The following MYO5B variants were observed in gnomAD, a reference collection of about 807,000 sequenced individuals.
MYO5B encodes unconventional myosin-Vb.
MYO5B carries 143 observed loss-of-function variants against 229.3 expected under a neutral mutation model. The observed-to-expected ratio is 0.62, with a 90% CI of 0.54 to 0.72. The LOEUF (loss-of-function observed/expected upper bound fraction) is 0.72, where lower values mean the gene tolerates loss of function less well. MYO5B is among the 30% of genes least tolerant of loss of function. The pLI is 0.00. For synonymous variants in MYO5B, 918 were observed against 885.2 expected, an observed-to-expected ratio of 1.04 and a Z score of -0.66; for missense variants, 2,321 against 2,331.0, an observed-to-expected ratio of 1.00 and a Z score of 0.09.
chr18:50,124,248 G>A (rs906532329), intron 1 of MYO5B, among the ~76,000 whole-genome samples: 2 of 152,168 alleles, frequency 1.3e-5, no homozygotes, highest in Non-Finnish European at 2.9e-5. Context: ...TTTTATTCTC[G>A]AAGCTTTATA....
rs1326305386 is a variant in MYO5B, at chr18:49,936,300, G to A, written c.1955C>T (p.Pro652Leu). ...GGGCTTGATGCAGCGGACATAGTGA[G>A]GTGTCGTGGCATTCAGGGTCTCCAT... is the stretch of plus-strand genomic sequence containing the variant. ...LLMETLNATT[P>L]HYVRCIKPND... Residue 652 changes from proline (P) to leucine (L), a missense_variant, in exon 16 of 40, where the codon CCT becomes CTT. This residue lies in a region of MYO5B where 2,113 missense variants were observed against 2,044.7 expected (regional missense o/e 1.03). Coordinates refer to ENST00000285039, the MANE Select transcript of MYO5B (RefSeq NM_001080467.3). 6.2e-7 allele frequency: 1 copy of A among 1,604,402 alleles called. No individual in the cohort carries two copies. The highest frequency in any genetic ancestry group is 8.5e-7 in the Non-Finnish European group (1 of 1,175,014).
At chr18:49,879,179 A>G in intron 23 of MYO5B, 89 bp from the exon 24 acceptor site, 1 of 1,554,302 alleles carries the variant, frequency 6.4e-7, no homozygotes, top group Non-Finnish European at 8.9e-7. Context: ...TCTTGTTAAG[A>G]GGCTGCCCAT....
At chr18:50,035,730 T>A (rs889542337) in intron 4 of MYO5B, among the ~76,000 whole-genome samples, 1 of 152,230 alleles carries the variant, frequency 6.6e-6, no homozygotes, top group South Asian at 2.1e-4. Context: ...TAGAGAAAAG[T>A]GAAAGATTGC....
chr18:49,935,145 G>A (rs2025235297), intron 16 of MYO5B, among the ~76,000 whole-genome samples: 1 of 152,176 alleles, frequency 6.6e-6, no homozygotes, highest in South Asian at 2.1e-4. Flanking sequence ...GGAGACCAGG[G>A]TGAGGAACGT....
rs559821262 is a variant in MYO5B at position 49,909,700 on chromosome 18, G to T, written c.2202+2362C>A. On this transcript the variant is annotated intron_variant, in intron 18 of 39. Transcript: ENST00000285039. ...ATGAACACAATAAAGGAAGGGAGGAGGTGAGTGCTGCTGGCCCATAGAAGA... is the reference window on the plus strand; with the variant it reads ...ATGAACACAATAAAGGAAGGGAGGATGTGAGTGCTGCTGGCCCATAGAAGA... Among the ~76,000 whole-genome samples, 4 of 152,346 alleles carry T rather than the reference G, an allele frequency of 2.6e-5. No individual in the cohort carries two copies. In the South Asian group the frequency reaches 8.3e-4, roughly 32 times the overall value.
At chr18:49,884,725 T>C (rs2024624675) in intron 22 of MYO5B, among the ~76,000 whole-genome samples, 1 of 152,164 alleles carries the variant, frequency 6.6e-6, no homozygotes, top group Non-Finnish European at 1.5e-5. Flanking sequence ...GTCCATGGCC[T>C]AGGGGTTGGG....
At chr18:49,934,289 C>T (rs751769713) in intron 16 of MYO5B, among the ~76,000 whole-genome samples, 1 of 152,064 alleles carries the variant, frequency 6.6e-6, no homozygotes, top group East Asian at 1.9e-4. Context: ...GACTAGCTTG[C>T]GACTGGCCAA....
intron 1 of MYO5B, among the ~76,000 whole-genome samples, chr18:50,181,525 A>G (rs541201030): frequency 1.3e-5 from 2 of 152,342 alleles, no homozygotes; most frequent in Admixed American, 6.5e-5. Flanking sequence ...CTAGAACAGA[A>G]AGCCTATCTT....
chr18:50,158,654 A>G (rs185353703), intron 1 of MYO5B, among the ~76,000 whole-genome samples: 152 of 152,338 alleles, frequency 1.0e-3, no homozygotes, highest in African/African-American at 3.5e-3. Context: ...TTGCAAGTGA[A>G]AAACCCAAGG....
At chr18:50,168,420 A>G (rs2032883935) in intron 1 of MYO5B, among the ~76,000 whole-genome samples, 1 of 152,258 alleles carries the variant, frequency 6.6e-6, no homozygotes, top group African/African-American at 2.4e-5. Flanking sequence ...TTCCATGAAT[A>G]TGCCTGGATT....
At position 49,835,355 on chromosome 18, in the gene MYO5B, G is replaced by T. The variant is rs377364712; in HGVS notation, c.5383C>A (p.Arg1795=). 8.1e-6 allele frequency: 13 copies of T among 1,607,860 alleles called. No homozygotes were observed. The African/African-American group carries it at 1.2e-4, about 15-fold the overall frequency. ...ATCTTAAAACTCACCTGGATTGTTC[G>T]TATAAAGGCCACTGTTACCCGTTCT... ...FEERVTVAFI[R]TIQAQLQERN... The change falls in exon 39 of 40, where the codon CGA becomes AGA. Residue 1795 remains arginine (R), a synonymous_variant. Coordinates refer to ENST00000285039, the MANE Select transcript of MYO5B (RefSeq NM_001080467.3).
At chr18:50,154,559 C>G (rs1299180825) in intron 1 of MYO5B, among the ~76,000 whole-genome samples, 6 of 152,208 alleles carry the variant, frequency 3.9e-5, no homozygotes, top group Admixed American at 3.9e-4. Flanking sequence ...TATCCTGCTT[C>G]TATTCCACAG....
chr18:49,957,142 C>CAAAAAAAAAAAAAAAAAAAAA (rs71169467), intron 12 of MYO5B, among the ~76,000 whole-genome samples: 4 of 58,728 alleles, frequency 6.8e-5, no homozygotes, highest in Admixed American at 2.3e-4. Flanking sequence ...AATAAAGTAG[C>CAAAAAAAAAAAAAAAAAAAAA]AAAAAAAAAA....
In MYO5B at chr18:49,826,298, A is replaced by G; in HGVS notation, c.*173T>C. The stretch of plus-strand genomic sequence containing the variant: ...TTTTTATTCTGAGCAGTAGGTACAA[A>G]AAATAATGACATAGTTGTGTCTAAT... On this transcript the variant is annotated 3_prime_UTR_variant, in exon 40 of 40. Transcript: ENST00000285039. 1.3e-6 allele frequency: 1 copy of G among 793,382 alleles called. No individual in the cohort carries two copies. 49.1% of individuals were successfully genotyped at this position (793,382 alleles called of 1,614,324 possible).
Position 49,835,283 on chromosome 18 carries a change from A to C in MYO5B, c.5394+61T>G, listed in dbSNP as rs1018305996. On this transcript the variant is annotated intron_variant, in intron 39 of 39. Coordinates refer to ENST00000285039, the MANE Select transcript of MYO5B (RefSeq NM_001080467.3). Reference sequence around the variant, plus strand: ...AAAGAGAAGCAAGATTAAAGCCCAAATTTTTAATTTCCTTTATAGTCGTAG... The same window carrying C: ...AAAGAGAAGCAAGATTAAAGCCCAACTTTTTAATTTCCTTTATAGTCGTAG... 105 of 1,304,476 alleles carry C rather than the reference A, an allele frequency of 8.0e-5. No homozygotes were observed. In the African/African-American group the frequency reaches 1.1e-3, roughly 14 times the overall value. The allele number at this position is 1,304,476 out of a possible 1,614,324, so 80.8% of individuals were successfully genotyped here.
intron 2 of MYO5B, among the ~76,000 whole-genome samples, chr18:50,040,998 T>C (rs2029999679): frequency 6.6e-6 from 1 of 152,202 alleles, no homozygotes; most frequent in South Asian, 2.1e-4. Flanking sequence ...TAACCCTCGG[T>C]ACATGTATGC....
At chr18:50,144,895 T>A (rs979569759) in intron 1 of MYO5B, among the ~76,000 whole-genome samples, 6 of 152,264 alleles carry the variant, frequency 3.9e-5, no homozygotes, top group Admixed American at 2.6e-4. Flanking sequence ...TGAGTCTAAA[T>A]CCCAGGTAAA....
At chr18:50,116,268 C>T (rs991135818) in intron 1 of MYO5B, among the ~76,000 whole-genome samples, 2 of 152,122 alleles carry the variant, frequency 1.3e-5, no homozygotes, top group African/African-American at 4.8e-5. Flanking sequence ...GCAGTATAGG[C>T]GGAGTACTTG....
At chr18:50,034,603 G>A (rs927751829) in intron 4 of MYO5B, among the ~76,000 whole-genome samples, 1 of 152,188 alleles carries the variant, frequency 6.6e-6, no homozygotes, top group African/African-American at 2.4e-5. Context: ...TATTAGCCAG[G>A]TGTGGTGGCA....
Sources: allele counts gnomAD v4.1 joint callset (sites outside exome capture counted in the v4.1 genomes callset), GRCh38; gene constraint gnomAD v4.1.1; regional missense constraint gnomAD v4.1.1; transcripts MANE v1.5; gene names NCBI Gene and HGNC (gene_info 2026-07-23, HGNC 2026-07-21).